Variants in INPP4B observed in about 807,000 individuals in gnomAD.
The protein encoded by INPP4B is inositol polyphosphate-4-phosphatase type II B.
Under a neutral mutation model 122.5 loss-of-function variants are expected in INPP4B, and 55 were observed. The observed-to-expected ratio is 0.45, with a 90% CI of 0.36 to 0.56. The LOEUF (loss-of-function observed/expected upper bound fraction) is 0.56. Ranked by LOEUF, INPP4B falls within the 20% of genes least tolerant of loss-of-function variation. The probability of loss-of-function intolerance (pLI) is 0.00; values close to 1 mark genes in which losing one functional copy is unlikely to be tolerated. For missense variants in INPP4B, 1,000 were observed against 1,097.7 expected (o/e 0.91, Z 1.26); for synonymous variants, 403 against 388.7 (o/e 1.04, Z -0.43).
intron 1 of INPP4B, among the ~76,000 whole-genome samples, chr4:142,752,269 C>T (rs1580836496): frequency 6.6e-6 from 1 of 152,038 alleles, no homozygotes; most frequent in East Asian, 1.9e-4. Flanking sequence ...CCAAAGGTGC[C>T]TCACAGGCAA....
intron 12 of INPP4B, 60 bp from the exon 13 acceptor site, chr4:142,209,086 C>T: frequency 7.9e-7 from 1 of 1,266,264 alleles, no homozygotes; most frequent in Non-Finnish European, 1.1e-6. Flanking sequence ...AAACGCATAA[C>T]CCTTAGTCAG....
At chr4:142,444,663 T>C (rs147442773) in intron 3 of INPP4B, among the ~76,000 whole-genome samples, 3,700 of 152,090 alleles carry the variant, frequency 0.024, 180 homozygotes, top group African/African-American at 0.085. Context: ...ACTGGGTATA[T>C]ACCCAAAGGA....
intron 21 of INPP4B, among the ~76,000 whole-genome samples, chr4:142,119,862 C>A (rs1795774997): frequency 6.8e-6 from 1 of 147,770 alleles, no homozygotes; most frequent in African/African-American, 2.5e-5. Context: ...TATATGAGTT[C>A]TATATATATA....
rs146009792 is a variant in INPP4B at position 142,558,901 on chromosome 4, G to A, written c.-190-96175C>T. 5.6e-3 allele frequency among the ~76,000 whole-genome samples: 841 copies of A among 151,380 alleles called. 2 individuals are homozygous for A. Among genetic ancestry groups the A allele is most frequent in the Non-Finnish European group, 8.0e-3 (540 of 67,892 alleles). Reference sequence around the variant, plus strand: ...CAGGTGAAGACTGAACAATCACATGGGGTTTTTACTGCCTCAGCCTGGAAC... The same window carrying A: ...CAGGTGAAGACTGAACAATCACATGAGGTTTTTACTGCCTCAGCCTGGAAC... On this transcript the variant is annotated intron_variant, in intron 2 of 25. Coordinates refer to ENST00000262992, the MANE Select transcript of INPP4B (RefSeq NM_001101669.3).
At chr4:142,425,913 A>C (rs779671599) in intron 5 of INPP4B, among the ~76,000 whole-genome samples, 4 of 152,070 alleles carry the variant, frequency 2.6e-5, no homozygotes, top group Non-Finnish European at 5.9e-5. Flanking sequence ...GCTTGTTGAC[A>C]TGTACAAAAT....
At chr4:142,078,040 T>A (rs1771773894) in intron 25 of INPP4B, among the ~76,000 whole-genome samples, 1 of 151,788 alleles carries the variant, frequency 6.6e-6, no homozygotes, top group Admixed American at 6.6e-5. Flanking sequence ...AGGCAACCAC[T>A]AAGAGATCCT....
At position 142,537,828 on chromosome 4, in the gene INPP4B, A is replaced by C. The variant is rs1245598265; in HGVS notation, c.-190-75102T>G. On this transcript the variant is annotated intron_variant, in intron 2 of 25. Transcript: ENST00000262992. ...AAAAGCAACTTACCACAGGAACCCC[A>C]GAAATATTTAATAATTATTGCAAAA... 2.0e-5 allele frequency among the ~76,000 whole-genome samples: 3 copies of C among 151,800 alleles called. No homozygotes were observed. The South Asian group carries it at 6.2e-4, about 32-fold the overall frequency.
chr4:142,268,321 T>TCA (rs1743897878), intron 10 of INPP4B, among the ~76,000 whole-genome samples: 1 of 1,152 alleles, frequency 8.7e-4, no homozygotes, highest in African/African-American at 1.2e-3. Context: ...AGACTCCGTC[T>TCA]CAAAAAAAAA....
chr4:142,235,239 C>T (rs1319289322), intron 12 of INPP4B, among the ~76,000 whole-genome samples: 2 of 151,962 alleles, frequency 1.3e-5, no homozygotes, highest in African/African-American at 2.4e-5. Context: ...TATATCTTTA[C>T]TCTTTCGTTT....
At chr4:142,171,814 A>C (rs904690397) in intron 16 of INPP4B, among the ~76,000 whole-genome samples, 29 of 152,008 alleles carry the variant, frequency 1.9e-4, no homozygotes, top group African/African-American at 7.0e-4. Context: ...TTCAAGGAGC[A>C]GAAAATGCCC....
chr4:142,049,554 A>G (rs1448610288), intron 25 of INPP4B, among the ~76,000 whole-genome samples: 1 of 152,050 alleles, frequency 6.6e-6, no homozygotes, highest in Non-Finnish European at 1.5e-5. Flanking sequence ...GCAAGTAGTT[A>G]TCTATGACTG....
chr4:142,696,301 A>T (rs1435580459), intron 2 of INPP4B, among the ~76,000 whole-genome samples: 2 of 152,150 alleles, frequency 1.3e-5, no homozygotes, highest in Non-Finnish European at 2.9e-5. Context: ...AGAAAGCCCC[A>T]GGAGAACTTT....
At chr4:142,264,487 C>G (rs3102446) in intron 10 of INPP4B, among the ~76,000 whole-genome samples, 116,516 of 152,098 alleles carry the variant, frequency 0.77, 45,735 homozygotes, top group East Asian at 0.93. Context: ...TTTCTTTCTA[C>G]TACTATGTGG....
intron 2 of INPP4B, among the ~76,000 whole-genome samples, chr4:142,623,654 G>C (rs866728678): frequency 5.9e-5 from 9 of 151,634 alleles, no homozygotes; most frequent in African/African-American, 1.9e-4. Context: ...TGCCATGCTC[G>C]TGTGCTGCAC....
intron 10 of INPP4B, 127 bp downstream of exon 10, chr4:142,270,536 G>A (rs1349338207): frequency 4.8e-5 from 32 of 672,042 alleles, no homozygotes; most frequent in Non-Finnish European, 6.9e-5. Context: ...TCCAATTTCA[G>A]AGCTGTTGTC....
chr4:142,816,868 C>T (rs1161128853), intron 1 of INPP4B, among the ~76,000 whole-genome samples: 1 of 152,052 alleles, frequency 6.6e-6, no homozygotes, highest in Non-Finnish European at 1.5e-5. Context: ...GTATAATACA[C>T]GCTTTCAAAT....
intron 7 of INPP4B, among the ~76,000 whole-genome samples, chr4:142,385,286 T>C (rs1358190357): frequency 6.6e-6 from 1 of 152,060 alleles, no homozygotes; most frequent in Non-Finnish European, 1.5e-5. Context: ...TTTTGACTTT[T>C]CAATTATAGC....
rs1337544142 is a variant in INPP4B, at chr4:142,725,913, G to C, written c.-253-12C>G. The C allele has an allele frequency of 1.3e-5, 5 of 397,762 alleles. No individual in the cohort carries two copies. Among genetic ancestry groups the C allele is most frequent in the Non-Finnish European group, 2.2e-5 (5 of 225,608 alleles). 24.6% of individuals were successfully genotyped at this position (397,762 alleles called of 1,614,324 possible). A position where few individuals can be genotyped will look rare whatever the true frequency, so the allele number is the denominator to read the frequency against. Reference sequence around the variant, plus strand: ...CATTTCTTTGTATTCTACGGGAAAAGAGAAAGAAGATTAATAAAAACAACC... The same window carrying C: ...CATTTCTTTGTATTCTACGGGAAAACAGAAAGAAGATTAATAAAAACAACC... On this transcript the variant is annotated splice_polypyrimidine_tract_variant and intron_variant, in intron 1 of 25. Coordinates refer to ENST00000262992, the MANE Select transcript of INPP4B (RefSeq NM_001101669.3).
intron 3 of INPP4B, among the ~76,000 whole-genome samples, chr4:142,459,865 T>C (rs1816341271): frequency 6.6e-6 from 1 of 152,222 alleles, no homozygotes; most frequent in East Asian, 1.9e-4. Context: ...ACTATGCCTC[T>C]AATTGGAGTT....
Sources: allele counts gnomAD v4.1 joint callset (sites outside exome capture counted in the v4.1 genomes callset), GRCh38; gene constraint gnomAD v4.1.1; transcripts MANE v1.5; gene names NCBI Gene and HGNC (gene_info 2026-07-23, HGNC 2026-07-21).